The following MICAL2 variants were observed in gnomAD, a reference collection of about 807,000 sequenced individuals.
The protein encoded by MICAL2 is [F-actin]-monooxygenase MICAL2.
MICAL2 carries 77 observed loss-of-function variants against 127.3 expected under a neutral mutation model. That is an observed-to-expected ratio of 0.60 (90% CI 0.50 to 0.73). The LOEUF is 0.73. Among genes scored for constraint, MICAL2 ranks in the 30% least tolerant of loss-of-function variants. The probability of loss-of-function intolerance (pLI) is 0.00; values close to 1 mark genes in which losing one functional copy is unlikely to be tolerated. For synonymous variants in MICAL2, 570 were observed against 551.1 expected (o/e 1.03, Z -0.48); for missense variants, 1,351 against 1,434.4 (o/e 0.94, Z 0.94).
intron 26 of MICAL2, chr11:12,261,650 C>G: frequency 2.0e-6 from 2 of 985,334 alleles, no homozygotes; most frequent in South Asian, 9.4e-5. Flanking sequence ...GGAGTCAGAA[C>G]CTTTGAGAGC....
At chr11:12,361,352 G>C (rs1939202046), downstream of MICAL2, among the ~76,000 whole-genome samples, 1 of 152,110 alleles carries the variant, frequency 6.6e-6, no homozygotes, top group African/African-American at 2.4e-5. Context: ...CTGAGATACA[G>C]AAAGAATATT....
chr11:12,235,395 G>T (rs952060878), intron 15 of MICAL2, among the ~76,000 whole-genome samples: 1 of 152,104 alleles, frequency 6.6e-6, no homozygotes, highest in African/African-American at 2.4e-5. Context: ...GGGCTGTGAG[G>T]CGTTCTCAGT....
At chr11:12,134,965 T>G (rs1446979317) in intron 1 of MICAL2, among the ~76,000 whole-genome samples, 15 of 152,244 alleles carry the variant, frequency 9.9e-5, no homozygotes, top group Non-Finnish European at 5.9e-5. Flanking sequence ...CCCTGTTCAG[T>G]GCACTATGGC....
rs142136632 is a variant in MICAL2 at position 12,354,339 on chromosome 11, G to A, written c.5616-445G>A. ...TAAAAAGACAAAAATTAGCCCAGTG[G>A]CAGATGCCTGTAATCCCAGCTACTC... On this transcript the variant is annotated intron_variant, in intron 33 of 34. Transcript: ENST00000646065. Among the ~76,000 whole-genome samples the A allele has an allele frequency of 2.0e-3, 303 of 152,288 alleles. 2 individuals are homozygous for A. Among genetic ancestry groups the A allele is most frequent in the African/African-American group, 7.1e-3 (296 of 41,562 alleles).
chr11:12,129,411 C>T (rs1379347082), intron 1 of MICAL2, among the ~76,000 whole-genome samples: 2 of 152,178 alleles, frequency 1.3e-5, no homozygotes, highest in African/African-American at 2.4e-5. Context: ...GAGACTGAGG[C>T]TCTGCAGGGT....
At chr11:12,147,584 A>T (rs981331909) in intron 2 of MICAL2, among the ~76,000 whole-genome samples, 2 of 152,232 alleles carry the variant, frequency 1.3e-5, no homozygotes, top group Admixed American at 1.3e-4. Context: ...TGTCCAGACA[A>T]GATTAGTGCA....
At chr11:12,295,071 C>T (rs563943461), downstream of MICAL2, among the ~76,000 whole-genome samples, 9 of 152,136 alleles carry the variant, frequency 5.9e-5, no homozygotes, top group East Asian at 1.2e-3. Flanking sequence ...CATAACCCTA[C>T]GACCACTTTC....
chr11:12,240,280 G>A (rs185781156), intron 17 of MICAL2, among the ~76,000 whole-genome samples: 6 of 152,208 alleles, frequency 3.9e-5, no homozygotes, highest in African/African-American at 9.7e-5. Flanking sequence ...TCTGTGCCTC[G>A]TGGTTCCGTT....
intron 8 of MICAL2, among the ~76,000 whole-genome samples, chr11:12,219,046 C>T (rs1249629666): frequency 1.3e-5 from 2 of 152,150 alleles, no homozygotes; most frequent in African/African-American, 2.4e-5. Flanking sequence ...TCCCTTTTTA[C>T]AGATGAGAGA....
intron 3 of MICAL2, among the ~76,000 whole-genome samples, chr11:12,184,280 G>A (rs1475038226): frequency 1.3e-5 from 2 of 152,228 alleles, no homozygotes; most frequent in Admixed American, 6.5e-5. Context: ...CTGTTTGAAA[G>A]GACTCTGAGC....
intron 32 of MICAL2, among the ~76,000 whole-genome samples, chr11:12,330,805 C>CAGAGAGAGAGAGAGAGGGAGAGAG (rs1864408569): frequency 4.7e-5 from 2 of 42,924 alleles, no homozygotes; most frequent in South Asian, 7.7e-4. Flanking sequence ...GAGAGAGAGA[C>CAGAGAGAGAGAGAGAGGGAGAGAG]AGAGAGAGAG....
rs755626735 is a variant in MICAL2, at chr11:12,242,748, G to A, written c.2634G>A (p.Met878Ile). ...AGAAGGCGGCTCACCTTGCCTCCAT[G>A]TTTGGACACGGGGATTTCCCGCAGG... ...IKEKAAHLAS[M>I]FGHGDFPQNK... is the part of the protein sequence containing the mutation. Residue 878 changes from methionine to isoleucine, a missense_variant, in exon 20 of 28, where the codon ATG (methionine) becomes ATA (isoleucine). Transcript: ENST00000683283. The A allele has an allele frequency of 6.2e-7, 1 of 1,610,448 alleles. No individual in the cohort carries two copies. Among genetic ancestry groups the A allele is most frequent in the South Asian group, 1.1e-5 (1 of 90,418 alleles).
intron 4 of MICAL2, among the ~76,000 whole-genome samples, chr11:12,206,534 A>G (rs1287309040): frequency 6.6e-6 from 1 of 152,162 alleles, no homozygotes; most frequent in African/African-American, 2.4e-5. Flanking sequence ...AGGGTGGTTC[A>G]TGGCAGGAGG....
chr11:12,129,230 C>A (rs936131709), intron 1 of MICAL2, among the ~76,000 whole-genome samples: 2 of 152,152 alleles, frequency 1.3e-5, no homozygotes, highest in Non-Finnish European at 2.9e-5. Context: ...TTTCTTTTAC[C>A]CTTCAAGCCA....
intron 29 of MICAL2, among the ~76,000 whole-genome samples, chr11:12,298,198 A>G (rs1864009046): frequency 6.6e-6 from 1 of 151,958 alleles, no homozygotes; most frequent in Admixed American, 6.6e-5. Context: ...TTTACACTTT[A>G]CAGCACATAG....
At chr11:12,249,702 AC>A (rs1861279215) in intron 22 of MICAL2, among the ~76,000 whole-genome samples, 1 of 152,102 alleles carries the variant, frequency 6.6e-6, no homozygotes, top group East Asian at 1.9e-4. Context: ...CTGCTGCCTT[AC>A]CCACGTGGGC....
intron 2 of MICAL2, among the ~76,000 whole-genome samples, chr11:12,283,129 C>T (rs760282557): frequency 4.6e-5 from 7 of 152,180 alleles, no homozygotes; most frequent in Non-Finnish European, 8.8e-5. Context: ...CAGTTAAGCT[C>T]TCTGGCACAG....
chr11:12,292,001 G>T, downstream of MICAL2: 1 of 1,009,094 alleles, frequency 9.9e-7, no homozygotes, highest in Non-Finnish European at 1.4e-6. Flanking sequence ...CCCACGCCTT[G>T]GGCACCAGGA....
chr11:12,265,974 C>T (rs889998432), downstream of MICAL2, among the ~76,000 whole-genome samples: 3 of 151,850 alleles, frequency 2.0e-5, no homozygotes, highest in Non-Finnish European at 2.9e-5. Context: ...TAGCTGGGCA[C>T]GGTGGCACAT....
Sources: allele counts gnomAD v4.1 joint callset (sites outside exome capture counted in the v4.1 genomes callset), GRCh38; gene constraint gnomAD v4.1.1; transcripts MANE v1.5; gene names NCBI Gene and HGNC (gene_info 2026-07-23, HGNC 2026-07-21).